PKD2L2: variants seen among roughly 807,000 people sequenced by gnomAD.
The protein encoded by PKD2L2 is polycystin-2-like protein 2.
PKD2L2 carries 67 observed loss-of-function variants against 83.9 expected under a neutral mutation model. The observed-to-expected ratio is 0.80, with a 90% CI of 0.66 to 0.98. The LOEUF (loss-of-function observed/expected upper bound fraction) is 0.98. Among genes scored for constraint, PKD2L2 ranks in the 50% least tolerant of loss-of-function variants. The pLI, the probability that PKD2L2 is intolerant of heterozygous loss-of-function variation, is 0.00. For synonymous variants in PKD2L2, 223 were observed against 237.8 expected, an observed-to-expected ratio of 0.94 and a Z score of 0.57; for missense variants, 632 against 717.2, an observed-to-expected ratio of 0.88 and a Z score of 1.36.
In PKD2L2 at chr5:137,923,535, C is replaced by G. The variant is rs1169752187; in HGVS notation, c.1551+14C>G. The G allele has an allele frequency of 1.8e-6, 2 of 1,110,450 alleles. No individual in the cohort carries two copies. The highest frequency in any genetic ancestry group is 2.8e-6 in the Non-Finnish European group (2 of 721,240). The allele number at this position is 1,110,450 out of a possible 1,614,324, so 68.8% of individuals were successfully genotyped here. A position where few individuals can be genotyped will look rare whatever the true frequency, so the allele number is the denominator to read the frequency against. On this transcript the variant is annotated intron_variant, in intron 10 of 14. Coordinates refer to ENST00000508883, the MANE Select transcript of PKD2L2 (RefSeq NM_001300921.2). The stretch of plus-strand genomic sequence containing the variant: ...ATGATTAAACAGGTAAGTCAAATTT[C>G]TTTCCTAATTAGAATTCTAAGACAA...
chr5:137,901,236 T>C (rs1005825064), intron 5 of PKD2L2, among the ~76,000 whole-genome samples: 1 of 151,870 alleles, frequency 6.6e-6, no homozygotes, highest in African/African-American at 2.4e-5. Context: ...CCAGCAAAGA[T>C]TGGTTTGATA....
At chr5:137,923,591 A>T in intron 10 of PKD2L2, 70 bp downstream of exon 10, 1 of 790,000 alleles carries the variant, frequency 1.3e-6, no homozygotes, top group Non-Finnish European at 2.3e-6. Flanking sequence ...TTGTAGTTTG[A>T]ATACCACTTA....
In PKD2L2 at chr5:137,940,491, T is replaced by A. The variant is rs1761363539; in HGVS notation, c.*18-1893T>A. 14 of 612,298 alleles carry A rather than the reference T, an allele frequency of 2.3e-5. No homozygotes were observed. In the South Asian group the frequency reaches 3.1e-4, roughly 14 times the overall value. 37.9% of individuals were successfully genotyped at this position (612,298 alleles called of 1,614,324 possible). A position where few individuals can be genotyped will look rare whatever the true frequency, so the allele number is the denominator to read the frequency against. ...TGTTAAAAAAAAAAAAAAAGGTTAT[T>A]GAACTAATACCCTCATCCCCAAGGA... On this transcript the variant is annotated intron_variant, in intron 14 of 14. Coordinates refer to ENST00000508883, the MANE Select transcript of PKD2L2 (RefSeq NM_001300921.2).
At chr5:137,898,963 T>C (rs1008739948) in intron 4 of PKD2L2, among the ~76,000 whole-genome samples, 1 of 152,250 alleles carries the variant, frequency 6.6e-6, no homozygotes, top group Non-Finnish European at 1.5e-5. Context: ...TTGCCCACCA[T>C]ATGCATTAAA....
In PKD2L2 at chr5:137,892,619, G is replaced by C; in HGVS notation, c.267+6G>C. On this transcript the variant is annotated splice_donor_region_variant and intron_variant, in intron 3 of 14. Coordinates refer to ENST00000508883, the MANE Select transcript of PKD2L2 (RefSeq NM_001300921.2). ...GCATAACTGATTTTTGGAAGGTAAA[G>C]TATCTTGTGACTGTGGATGAAGTAG... 6.2e-7 allele frequency: 1 copy of C among 1,610,138 alleles called. No individual in the cohort carries two copies. The highest frequency in any genetic ancestry group is 1.1e-5 in the South Asian group (1 of 90,152).
chr5:137,918,891 G>A (rs1023204590), intron 8 of PKD2L2, among the ~76,000 whole-genome samples: 2 of 146,248 alleles, frequency 1.4e-5, no homozygotes, highest in Non-Finnish European at 3.0e-5. Flanking sequence ...GAGAAACTGT[G>A]TTGCTGGCCA....
intron 4 of PKD2L2, 70 bp from the exon 5 acceptor site, chr5:137,899,446 G>T: frequency 1.8e-6 from 2 of 1,081,248 alleles, no homozygotes; most frequent in South Asian, 2.9e-5. Flanking sequence ...ACCAAAGATC[G>T]ATTTAAATTC....
chr5:137,935,869 C>A lies in PKD2L2; in HGVS notation c.1744C>A (p.Gln582Lys). 6.2e-7 allele frequency: 1 copy of A among 1,606,940 alleles called. No individual in the cohort carries two copies. The highest frequency in any genetic ancestry group is 8.5e-7 in the Non-Finnish European group (1 of 1,173,512). Residue 582 changes from glutamine to lysine, a missense_variant, in exon 13 of 15, where the codon CAA (glutamine) becomes AAA (lysine). This residue lies in a region of PKD2L2 where 399 missense variants were observed against 416.9 expected (regional missense o/e 0.96). Transcript: ENST00000508883. ...GAAAAAGTATTATTCTATGGAAATT[C>A]AAGATGACTACCAGCCTGTCACTCA... is the stretch of plus-strand genomic sequence containing the variant. Reference protein sequence around the residue: ...LEKKYYSMEIQDDYQPVTQEE... With the variant: ...LEKKYYSMEIKDDYQPVTQEE...
chr5:137,924,007 T>C (rs374173570), intron 10 of PKD2L2, among the ~76,000 whole-genome samples: 3 of 152,330 alleles, frequency 2.0e-5, no homozygotes, highest in Admixed American at 1.3e-4. Context: ...GTCCCTTATA[T>C]AGTCTATTGT....
intron 8 of PKD2L2, among the ~76,000 whole-genome samples, chr5:137,910,231 CAATAATAATAAT>C (rs67797320): frequency 3.2e-3 from 438 of 138,926 alleles, no homozygotes; most frequent in African/African-American, 6.9e-3. Flanking sequence ...ATCTCTAAAA[CAATAATAATAAT>C]AATAATAATA....
chr5:137,930,994 T>C (rs1365449082), intron 12 of PKD2L2, among the ~76,000 whole-genome samples: 1 of 151,942 alleles, frequency 6.6e-6, no homozygotes, highest in Middle Eastern at 3.2e-3. Context: ...AGAGAAAGCA[T>C]AAACATACAA....
Position 137,935,833 on chromosome 5 carries a change from G to C in PKD2L2, c.1708G>C (p.Glu570Gln), listed in dbSNP as rs904737901. The stretch of plus-strand genomic sequence containing the variant: ...CGCAGAGCAGATGAAAAAATGGAAA[G>C]AGAGGCTTGAGAAAAAGTATTATTC... ...QNAEQMKKWK[E>Q]RLEKKYYSME... is the part of the protein sequence containing the mutation. Residue 570 changes from glutamate (E) to glutamine (Q), a missense_variant, in exon 13 of 15, where the codon GAG (glutamate) becomes CAG (glutamine). Glu to Gln is a conservative substitution (Grantham distance 29). This residue lies in a region of PKD2L2 where 399 missense variants were observed against 416.9 expected (regional missense o/e 0.96). Coordinates refer to ENST00000508883, the MANE Select transcript of PKD2L2 (RefSeq NM_001300921.2). The C allele has an allele frequency of 6.2e-7, 1 of 1,611,378 alleles. No homozygotes were observed. Among genetic ancestry groups the C allele is most frequent in the Non-Finnish European group, 8.5e-7 (1 of 1,177,574 alleles).
intron 12 of PKD2L2, 72 bp from the exon 13 acceptor site, chr5:137,935,725 G>A (rs1324080776): frequency 1.2e-6 from 1 of 804,334 alleles, no homozygotes; most frequent in African/African-American, 1.7e-5. Context: ...TCAATCCTGT[G>A]ATGCTTGTGT....
chr5:137,907,941 A>G (rs755425664), intron 7 of PKD2L2, 29 bp downstream of exon 7: 1 of 1,001,728 alleles, frequency 1.0e-6, no homozygotes, highest in East Asian at 2.6e-5. Flanking sequence ...ATTACATAAT[A>G]CAAGCAGTGT....
At chr5:137,917,070 TTC>T in intron 8 of PKD2L2, among the ~76,000 whole-genome samples, 1 of 152,228 alleles carries the variant, frequency 6.6e-6, no homozygotes, top group Non-Finnish European at 1.5e-5. Context: ...CTCTGCACCT[TTC>T]TCTTTCTCTT....
At chr5:137,940,247 T>C (rs2150087442) in intron 14 of PKD2L2, 1 of 1,614,096 alleles carries the variant, frequency 6.2e-7, no homozygotes, top group East Asian at 2.2e-5. Context: ...TGAAGAATCT[T>C]GTTTGCTTAT....
At position 137,889,478 on chromosome 5, in the gene PKD2L2, A is replaced by G; in HGVS notation, c.-14A>G. The G allele has an allele frequency of 1.3e-6, 2 of 1,576,882 alleles. No homozygotes were observed. The highest frequency in any genetic ancestry group is 1.7e-6 in the Non-Finnish European group (2 of 1,165,398). ...CCTCAGGCGAACGAACGGGCGGTGT[A>G]GTGCAGGTCCGCCATGGCTGAGGCG... On this transcript the variant is annotated 5_prime_UTR_variant, in exon 1 of 15. Transcript: ENST00000508883.
intron 4 of PKD2L2, among the ~76,000 whole-genome samples, chr5:137,897,970 T>A (rs967615567): frequency 7.3e-4 from 105 of 144,098 alleles, no homozygotes; most frequent in Middle Eastern, 3.6e-3. Flanking sequence ...AAAAAAAAAA[T>A]TTTTTTTTTT....
intron 14 of PKD2L2, among the ~76,000 whole-genome samples, chr5:137,937,806 G>C (rs1008938062): frequency 2.6e-5 from 4 of 152,026 alleles, no homozygotes; most frequent in Non-Finnish European, 4.4e-5. Context: ...CCATTTCCCA[G>C]AGTTGTAGCC....
Sources: allele counts gnomAD v4.1 joint callset (sites outside exome capture counted in the v4.1 genomes callset), GRCh38; gene constraint gnomAD v4.1.1; regional missense constraint gnomAD v4.1.1; transcripts MANE v1.5; gene names NCBI Gene and HGNC (gene_info 2026-07-23, HGNC 2026-07-21).